The following MALRD1 variants were observed in gnomAD, a reference collection of about 807,000 sequenced individuals.
MALRD1 encodes MAM and LDL-receptor class A domain-containing protein 1.
Under a neutral mutation model 242.1 loss-of-function variants are expected in MALRD1, and 247 were observed. That is an observed-to-expected ratio of 1.02 (90% CI 0.92 to 1.13). The LOEUF is 1.13. Ranked by LOEUF, MALRD1 falls within the 50% of genes most tolerant of loss-of-function variation. The probability of loss-of-function intolerance (pLI) is 0.00; values close to 1 mark genes in which losing one functional copy is unlikely to be tolerated. For missense variants in MALRD1, 2,989 were observed against 2,533.1 expected, an observed-to-expected ratio of 1.18 and a Z score of -3.86; for synonymous variants, 995 against 866.6, an observed-to-expected ratio of 1.15 and a Z score of -2.60.
chr10:19,446,105 C>A (rs1304336718), intron 28 of MALRD1, among the ~76,000 whole-genome samples: 4 of 152,172 alleles, frequency 2.6e-5, no homozygotes, highest in Admixed American at 2.0e-4. Flanking sequence ...GATATAATTT[C>A]CTGGTGTGCC....
At chr10:19,221,660 T>C (rs764061747) in intron 18 of MALRD1, among the ~76,000 whole-genome samples, 1 of 152,054 alleles carries the variant, frequency 6.6e-6, no homozygotes, top group Non-Finnish European at 1.5e-5. Context: ...AGAAAACACA[T>C]CAGATGTCTT....
chr10:19,728,361 C>T (rs1034686292), intron 38 of MALRD1: 13 of 152,160 alleles, frequency 8.5e-5, no homozygotes, highest in Admixed American at 2.6e-4. Context: ...AGACAAGTAG[C>T]TTCAATAATT....
chr10:19,283,062 G>A lies in MALRD1; in HGVS notation c.3300G>A (p.Trp1100Ter). 1 of 1,549,724 alleles carries A rather than the reference G, an allele frequency of 6.5e-7. No homozygotes were observed. Among genetic ancestry groups the A allele is most frequent in the Non-Finnish European group, 8.7e-7 (1 of 1,146,462 alleles). The change falls in exon 21 of 40, where the codon TGG becomes TGA. Residue 1100 changes from tryptophan to a stop codon, truncating the protein, a stop_gained. Transcript: ENST00000454679. LOFTEE classifies it high-confidence loss of function. ...TTGAGAAAAGAAGCCTGTGTAAATGGTATCAACCAATCCCAGTACATTTGC... is the reference window on the plus strand; with the variant it reads ...TTGAGAAAAGAAGCCTGTGTAAATGATATCAACCAATCCCAGTACATTTGC... The part of the protein sequence containing the change: ...CSFEKRSLCK[W>*]YQPIPVHLLQ...
chr10:19,469,815 AAGCTCTATTTAGTGTATAC>A (rs1392304446), intron 29 of MALRD1, among the ~76,000 whole-genome samples: 35 of 152,048 alleles, frequency 2.3e-4, no homozygotes, highest in Non-Finnish European at 1.2e-4. Flanking sequence ...GCCATATAAA[AAGCTCTATTTAGTGTATAC>A]AACTCAATGT....
intron 38 of MALRD1, among the ~76,000 whole-genome samples, chr10:19,712,617 A>G (rs1320907142): frequency 1.3e-5 from 2 of 152,230 alleles, no homozygotes; most frequent in African/African-American, 2.4e-5. Flanking sequence ...AATTAACTTC[A>G]ACATTGAATT....
intron 14 of MALRD1, among the ~76,000 whole-genome samples, chr10:19,178,802 T>A (rs573268915): frequency 1.3e-5 from 2 of 152,274 alleles, no homozygotes; most frequent in East Asian, 3.9e-4. Context: ...TCCAACTGAG[T>A]GCCCAAAGGG....
chr10:19,328,503 T>C (rs1009826038), intron 23 of MALRD1, among the ~76,000 whole-genome samples: 1 of 152,136 alleles, frequency 6.6e-6, no homozygotes, highest in African/African-American at 2.4e-5. Context: ...TTGTTAAATA[T>C]TGCATTTTCA....
At chr10:19,405,857 AT>A (rs5783674) in intron 28 of MALRD1, among the ~76,000 whole-genome samples, 125,920 of 150,660 alleles carry the variant, frequency 0.84, 52,806 homozygotes, top group Non-Finnish European at 0.86. Context: ...GTTAGGATGC[AT>A]TTTTTTTTTT....
intron 32 of MALRD1, among the ~76,000 whole-genome samples, chr10:19,536,781 T>C (rs1217082134): frequency 6.6e-6 from 1 of 152,138 alleles, no homozygotes; most frequent in African/African-American, 2.4e-5. Flanking sequence ...AAGGTTCTAG[T>C]AGTGATAACA....
At chr10:19,272,079 GCTAT>G (rs1392277125) in intron 19 of MALRD1, among the ~76,000 whole-genome samples, 2 of 151,836 alleles carry the variant, frequency 1.3e-5, no homozygotes, top group African/African-American at 4.8e-5. Context: ...ATCAAAACTG[GCTAT>G]TTATATAAAT....
rs796513937 is a variant in MALRD1, at chr10:19,292,902, A to AC, written c.3419+9721_3419+9722insC. ...AGCGAGACTCTGCCTCAAAAAAAAA[A>AC]AAAAAAAAAAAAATGCAAACTATGT... On this transcript the variant is annotated intron_variant, in intron 21 of 39. Coordinates refer to ENST00000454679, the MANE Select transcript of MALRD1 (RefSeq NM_001142308.3). Among the ~76,000 whole-genome samples, 1,185 of 151,626 alleles carry AC rather than the reference A, an allele frequency of 7.8e-3. 14 individuals are homozygous for AC. Among genetic ancestry groups the AC allele is most frequent in the African/African-American group, 0.027 (1,124 of 41,310 alleles).
rs565030987 is a variant in MALRD1, at chr10:19,369,157, A to G, written c.4441+16860A>G. Reference sequence around the variant, plus strand: ...TATTTAAATTTAATATTATATATAAACTAATATTTATATATAAACTAATAT... The same window carrying G: ...TATTTAAATTTAATATTATATATAAGCTAATATTTATATATAAACTAATAT... On this transcript the variant is annotated intron_variant, in intron 26 of 39. Transcript: ENST00000454679. Among the ~76,000 whole-genome samples, 8 of 110,702 alleles carry G rather than the reference A, an allele frequency of 7.2e-5. No individual in the cohort carries two copies. In the South Asian group the frequency reaches 2.1e-3, roughly 30 times the overall value. The allele number at this position is 110,702 out of a possible 152,430, so 72.6% of individuals were successfully genotyped here. A position where few individuals can be genotyped will look rare whatever the true frequency, so the allele number is the denominator to read the frequency against.
At chr10:19,247,388 G>T (rs1239419987) in intron 18 of MALRD1, among the ~76,000 whole-genome samples, 1 of 151,964 alleles carries the variant, frequency 6.6e-6, no homozygotes, top group East Asian at 1.9e-4. Flanking sequence ...AACTTGGGTT[G>T]CAAGGGCTTC....
intron 18 of MALRD1, among the ~76,000 whole-genome samples, chr10:19,241,884 G>C (rs1457604832): frequency 2.0e-5 from 3 of 151,948 alleles, no homozygotes; most frequent in Admixed American, 2.0e-4. Context: ...TCCTGTTGTT[G>C]ATTTCTGGCT....
At chr10:19,231,858 A>G (rs1228986413) in intron 18 of MALRD1, among the ~76,000 whole-genome samples, 1 of 151,666 alleles carries the variant, frequency 6.6e-6, no homozygotes, top group African/African-American at 2.4e-5. Context: ...TTTCTAGCCT[A>G]TATTTCTACT....
intron 29 of MALRD1, among the ~76,000 whole-genome samples, chr10:19,480,990 A>G (rs1009464733): frequency 8.5e-5 from 13 of 152,218 alleles, no homozygotes; most frequent in East Asian, 3.9e-4. Flanking sequence ...AATATTAAAG[A>G]TAAAATGAGT....
chr10:19,331,335 T>G (rs1229484722), intron 23 of MALRD1, 34 bp from the exon 24 acceptor site: 1 of 1,511,364 alleles, frequency 6.6e-7, no homozygotes, highest in African/African-American at 1.4e-5. Context: ...ACTTCTTGAT[T>G]GACAGTTTAA....
At chr10:19,421,020 A>G (rs1666776511) in intron 28 of MALRD1, among the ~76,000 whole-genome samples, 2 of 152,208 alleles carry the variant, frequency 1.3e-5, no homozygotes, top group South Asian at 2.1e-4. Flanking sequence ...CCCTTGGTTG[A>G]TCATGGGATT....
intron 18 of MALRD1, among the ~76,000 whole-genome samples, chr10:19,209,957 T>TTTCAA (rs1390191869): frequency 4.3e-4 from 65 of 152,310 alleles, no homozygotes; most frequent in African/African-American, 1.5e-3. Flanking sequence ...TTTACTGAAA[T>TTTCAA]GAACAACCTG....
Sources: gnomAD v4.1 joint callset for allele counts (sites outside exome capture counted in the v4.1 genomes callset) on GRCh38, gnomAD v4.1.1 for gene constraint, MANE v1.5 for transcripts, NCBI Gene and HGNC (gene_info 2026-07-23, HGNC 2026-07-21) for gene names.